The following NUCKS1 variants were observed in gnomAD, a reference collection of about 807,000 sequenced individuals.
NUCKS1 encodes nuclear ubiquitous casein and cyclin-dependent kinase substrate 1.
NUCKS1 carries 2 observed loss-of-function variants against 33.0 expected under a neutral mutation model. The ratio of observed to expected loss-of-function variants is 0.06; its 90% confidence interval spans 0.02 to 0.19. The LOEUF is 0.19. Among genes scored for constraint, NUCKS1 ranks in the 10% least tolerant of loss-of-function variants. The pLI, the probability that NUCKS1 is intolerant of heterozygous loss-of-function variation, is 1.00. For missense variants in NUCKS1, 201 were observed against 293.6 expected, an observed-to-expected ratio of 0.68 and a Z score of 2.31; for synonymous variants, 106 against 102.8, an observed-to-expected ratio of 1.03 and a Z score of -0.19.
intron 5 of NUCKS1, among the ~76,000 whole-genome samples, chr1:205,720,101 T>C (rs1671894263): frequency 6.6e-6 from 1 of 152,142 alleles, no homozygotes. Flanking sequence ...ATACATAGGA[T>C]TAACTAATCT....
Position 205,717,902 on chromosome 1 carries a change from A to G in NUCKS1, c.*378T>C, listed in dbSNP as rs1458633769. 15 of 990,716 alleles carry G rather than the reference A, an allele frequency of 1.5e-5. No individual in the cohort carries two copies. Among genetic ancestry groups the G allele is most frequent in the East Asian group, 1.1e-4 (1 of 8,988 alleles). The allele number at this position is 990,716 out of a possible 1,614,324, so 61.4% of individuals were successfully genotyped here. A position where few individuals can be genotyped will look rare whatever the true frequency, so the allele number is the denominator to read the frequency against. The stretch of plus-strand genomic sequence containing the variant: ...TTTTTTAGCAAAAAGCGAAGTTTCA[A>G]TAGTGTTCATCTCAAATCTTATTGC... On this transcript the variant is annotated 3_prime_UTR_variant, in exon 7 of 7. Coordinates refer to ENST00000367142, the MANE Select transcript of NUCKS1 (RefSeq NM_022731.5).
chr1:205,749,559 T>G (rs1178334068), intron 1 of NUCKS1, among the ~76,000 whole-genome samples: 1 of 148,830 alleles, frequency 6.7e-6, no homozygotes, highest in Non-Finnish European at 1.5e-5. Flanking sequence ...AGGTGGGGAG[T>G]GGAGCTCGAG....
At chr1:205,738,522 A>AT (rs1285879262) in intron 1 of NUCKS1, among the ~76,000 whole-genome samples, 1 of 150,854 alleles carries the variant, frequency 6.6e-6, no homozygotes, top group East Asian at 1.9e-4. Context: ...CCATGCTGAG[A>AT]TTACAGGCAG....
At chr1:205,737,290 T>G (rs1654056348) in intron 1 of NUCKS1, among the ~76,000 whole-genome samples, 1 of 152,206 alleles carries the variant, frequency 6.6e-6, no homozygotes, top group African/African-American at 2.4e-5. Flanking sequence ...TTCCAATGAC[T>G]AAAACCTCCT....
At chr1:205,745,908 C>T (rs78504890) in intron 1 of NUCKS1, among the ~76,000 whole-genome samples, 5,261 of 152,236 alleles carry the variant, frequency 0.035, 291 homozygotes, top group African/African-American at 0.12. Flanking sequence ...AAAATGAAAA[C>T]ATTTTAAACA....
intron 1 of NUCKS1, among the ~76,000 whole-genome samples, chr1:205,746,487 A>ACT (rs1283420088): frequency 1.7e-5 from 2 of 116,534 alleles, no homozygotes; most frequent in Non-Finnish European, 3.9e-5. Flanking sequence ...ACACACACAC[A>ACT]CTAGAGAATA....
intron 1 of NUCKS1, among the ~76,000 whole-genome samples, chr1:205,742,812 G>A (rs1478789519): frequency 6.6e-6 from 1 of 152,026 alleles, no homozygotes; most frequent in Non-Finnish European, 1.5e-5. Context: ...AGGACAGAGC[G>A]AGACTCGGTC....
intron 1 of NUCKS1, among the ~76,000 whole-genome samples, chr1:205,747,616 TG>T (rs2102452092): frequency 6.6e-6 from 1 of 152,290 alleles, no homozygotes; most frequent in East Asian, 1.9e-4. Context: ...CCAGAAAAAC[TG>T]CAAAATTATA....
chr1:205,720,785 A>C (rs1245490454), intron 4 of NUCKS1, 132 bp from the exon 5 acceptor site: 32 of 847,410 alleles, frequency 3.8e-5, no homozygotes, highest in Non-Finnish European at 2.8e-5. Flanking sequence ...ATAGGATATA[A>C]TCTGCAGCTT....
At chr1:205,725,308 A>C (rs748951325) in intron 3 of NUCKS1, among the ~76,000 whole-genome samples, 76 of 152,228 alleles carry the variant, frequency 5.0e-4, no homozygotes, top group Admixed American at 7.2e-4. Flanking sequence ...TCGCACATAA[A>C]AACTGCCTTC....
At chr1:205,732,230 T>C (rs992569576) in intron 1 of NUCKS1, among the ~76,000 whole-genome samples, 1 of 152,216 alleles carries the variant, frequency 6.6e-6, no homozygotes, top group Non-Finnish European at 1.5e-5. Flanking sequence ...TATATTTTAT[T>C]GTAAGAAGCT....
At position 205,719,796 on chromosome 1, in the gene NUCKS1, C is replaced by A. The variant is rs558219860; in HGVS notation, c.383-120G>T. On this transcript the variant is annotated intron_variant, in intron 5 of 6. Coordinates refer to ENST00000367142, the MANE Select transcript of NUCKS1 (RefSeq NM_022731.5). ...TTTGGGAGTCAAACACCCTTGGATT[C>A]TATTTGGAGCTGTACTACCAATTTG... 6.7e-6 allele frequency: 7 copies of A among 1,050,980 alleles called. 1 individual carries two copies. In the South Asian group the frequency reaches 1.3e-4, roughly 19 times the overall value. 65.1% of individuals were successfully genotyped at this position (1,050,980 alleles called of 1,614,324 possible). A position where few individuals can be genotyped will look rare whatever the true frequency, so the allele number is the denominator to read the frequency against.
chr1:205,734,239 T>C (rs1653982471), intron 1 of NUCKS1, among the ~76,000 whole-genome samples: 1 of 152,186 alleles, frequency 6.6e-6, no homozygotes. Flanking sequence ...AGTACATATT[T>C]TTCTATCCTA....
intron 1 of NUCKS1, among the ~76,000 whole-genome samples, chr1:205,743,011 CT>C (rs1558056177): frequency 6.6e-6 from 1 of 152,108 alleles, no homozygotes; most frequent in East Asian, 1.9e-4. Flanking sequence ...AAATTTAACA[CT>C]TTTCAGCATG....
Position 205,750,014 on chromosome 1 carries a change from C to CCGGGGGGGGGGGGGGGGGGGGGG in NUCKS1, c.-42_-41insCCCCCCCCCCCCCCCCCCCCCCG. On this transcript the variant is annotated 5_prime_UTR_variant, in exon 1 of 7. Coordinates refer to ENST00000367142, the MANE Select transcript of NUCKS1 (RefSeq NM_022731.5). ...AGGACCGAGTCGAGAAGCCAAAGAC[C>CCGGGGGGGGGGGGGGGGGGGGGG]AGGACCCCCCCCACCCCGCGCGCTC... 8 of 1,568,884 alleles carry CCGGGGGGGGGGGGGGGGGGGGGG rather than the reference C, an allele frequency of 5.1e-6. No individual in the cohort carries two copies. Among genetic ancestry groups the CCGGGGGGGGGGGGGGGGGGGGGG allele is most frequent in the Admixed American group, 1.7e-5 (1 of 57,670 alleles).
At chr1:205,740,753 C>G (rs928761260) in intron 1 of NUCKS1, among the ~76,000 whole-genome samples, 4 of 151,402 alleles carry the variant, frequency 2.6e-5, no homozygotes, top group African/African-American at 7.3e-5. Flanking sequence ...CTGCAGAAAA[C>G]GGAGGTGGGT....
chr1:205,744,441 TCTA>T (rs1654261159), intron 1 of NUCKS1, among the ~76,000 whole-genome samples: 1 of 152,174 alleles, frequency 6.6e-6, no homozygotes, highest in Non-Finnish European at 1.5e-5. Context: ...AATTGCTAAT[TCTA>T]CTAAGTGAGG....
At chr1:205,730,199 G>A (rs1189203351) in intron 1 of NUCKS1, among the ~76,000 whole-genome samples, 6 of 151,720 alleles carry the variant, frequency 4.0e-5, no homozygotes, top group African/African-American at 9.7e-5. Flanking sequence ...GACTACAGAC[G>A]CATGCTGGCT....
At chr1:205,743,030 C>A (rs1362005622) in intron 1 of NUCKS1, among the ~76,000 whole-genome samples, 1 of 152,068 alleles carries the variant, frequency 6.6e-6, no homozygotes, top group African/African-American at 2.4e-5. Context: ...ATGCTCAATA[C>A]TTTTTAAGTT....
Sources: allele counts gnomAD v4.1 joint callset (sites outside exome capture counted in the v4.1 genomes callset), GRCh38; gene constraint gnomAD v4.1.1; transcripts MANE v1.5; gene names NCBI Gene and HGNC (gene_info 2026-07-23, HGNC 2026-07-21).